The following ZBTB46 variants were observed in gnomAD, a reference collection of about 807,000 sequenced individuals.
ZBTB46 encodes zinc finger and BTB domain containing 46.
Under a neutral mutation model 44.1 loss-of-function variants are expected in ZBTB46, and 8 were observed. The observed-to-expected ratio is 0.18, with a 90% confidence interval of 0.11 to 0.33. The LOEUF (loss-of-function observed/expected upper bound fraction) is 0.33, where lower values mean the gene tolerates loss of function less well. Ranked by LOEUF, ZBTB46 falls within the 10% of genes least tolerant of loss-of-function variation. The pLI, the probability that ZBTB46 is intolerant of heterozygous loss-of-function variation, is 1.00. For synonymous variants in ZBTB46, 409 were observed against 382.3 expected, an observed-to-expected ratio of 1.07 and a Z score of -0.81; for missense variants, 651 against 847.7, an observed-to-expected ratio of 0.77 and a Z score of 2.88.
intron 3 of ZBTB46, 141 bp from the exon 4 acceptor site, chr20:63,753,002 G>A: frequency 1.2e-6 from 1 of 865,822 alleles, no homozygotes; most frequent in African/African-American, 1.7e-5. Flanking sequence ...GGTCAGCACT[G>A]CGACAGGCCA....
At chr20:63,824,405 C>A (rs187030660) in intron 1 of ZBTB46, among the ~76,000 whole-genome samples, 2 of 152,072 alleles carry the variant, frequency 1.3e-5, no homozygotes, top group African/African-American at 2.4e-5. Context: ...AAGAGAACAC[C>A]CATTTTATTC....
At chr20:63,763,297 T>C (rs1400130237) in intron 3 of ZBTB46, among the ~76,000 whole-genome samples, 1 of 152,252 alleles carries the variant, frequency 6.6e-6, no homozygotes, top group Admixed American at 6.5e-5. Flanking sequence ...CTTTCTTGCC[T>C]TCTTTCAAAT....
intron 1 of ZBTB46, among the ~76,000 whole-genome samples, chr20:63,791,369 G>A (rs1187259241): frequency 6.6e-6 from 1 of 151,946 alleles, no homozygotes; most frequent in African/African-American, 2.4e-5. Context: ...GGTGGCGGGA[G>A]CCTGTAGTCC....
chr20:63,801,912 T>G (rs1264338286), intron 1 of ZBTB46, among the ~76,000 whole-genome samples: 1 of 152,180 alleles, frequency 6.6e-6, no homozygotes, highest in African/African-American at 2.4e-5. Flanking sequence ...CAAGTGCTGT[T>G]TGCTGCACGT....
chr20:63,767,829 C>T lies in ZBTB46; in HGVS notation c.1222+7849G>A, dbSNP rs965225191. ...CAGGGCTGGGCAAGTCCATCCAGGG[C>T]TGGGCAAGTCCATCCAGGCCTGGGC... On this transcript the variant is annotated intron_variant, in intron 3 of 4. Transcript: ENST00000245663. The surrounding 1 kb of genome is among the most constrained non-coding windows in gnomAD (Gnocchi z 5.0). 7.0e-5 allele frequency: 68 copies of T among 972,110 alleles called. No homozygotes were observed. Among genetic ancestry groups the T allele is most frequent in the Non-Finnish European group, 7.9e-5 (65 of 817,872 alleles). 60.2% of individuals were successfully genotyped at this position (972,110 alleles called of 1,614,324 possible). A position where few individuals can be genotyped will look rare whatever the true frequency, so the allele number is the denominator to read the frequency against.
intron 1 of ZBTB46, among the ~76,000 whole-genome samples, chr20:63,808,377 G>A (rs966029117): frequency 1.2e-4 from 18 of 152,204 alleles, no homozygotes; most frequent in African/African-American, 4.1e-4. Flanking sequence ...CAGACGCCAC[G>A]GAGCCCGGGG....
chr20:63,772,762 CACA>C (rs1188445742), intron 3 of ZBTB46, among the ~76,000 whole-genome samples: 22,112 of 78,644 alleles, frequency 0.28, 1,958 homozygotes, highest in Non-Finnish European at 0.29. Context: ...CACACACACA[CACA>C]CAGAAGTGCG....
chr20:63,749,890 A>T (rs1001334344), intron 4 of ZBTB46, among the ~76,000 whole-genome samples: 4 of 152,228 alleles, frequency 2.6e-5, no homozygotes, highest in African/African-American at 9.6e-5. Flanking sequence ...GAACTCATGC[A>T]AATGGGCAAA....
intron 2 of ZBTB46, among the ~76,000 whole-genome samples, chr20:63,782,334 G>A (rs956232879): frequency 1.3e-4 from 20 of 152,152 alleles, no homozygotes; most frequent in Non-Finnish European, 2.5e-4. Context: ...CAGAGAAGGA[G>A]GCAGGAGGGT....
chr20:63,796,843 T>A (rs936409855), intron 1 of ZBTB46, among the ~76,000 whole-genome samples: 7 of 151,582 alleles, frequency 4.6e-5, no homozygotes, highest in African/African-American at 9.7e-5. Flanking sequence ...TAAAATAAAA[T>A]AAAAATAAAA....
chr20:63,805,986 G>A (rs1192132664), intron 1 of ZBTB46, among the ~76,000 whole-genome samples: 1 of 151,528 alleles, frequency 6.6e-6, no homozygotes, highest in African/African-American at 2.4e-5. Context: ...TGTTGGCCAG[G>A]TTGGTCTCGA....
chr20:63,762,274 CTGAGA>C (rs757120649), intron 3 of ZBTB46, among the ~76,000 whole-genome samples: 7 of 152,320 alleles, frequency 4.6e-5, no homozygotes, highest in Admixed American at 1.3e-4. Context: ...CTATCAATTA[CTGAGA>C]TAAGTGTTTT....
At chr20:63,819,039 G>A (rs930648782) in intron 1 of ZBTB46, among the ~76,000 whole-genome samples, 10 of 151,812 alleles carry the variant, frequency 6.6e-5, no homozygotes, top group Non-Finnish European at 1.3e-4. Context: ...CAGGCGTGGT[G>A]GTGTGCGCCT....
chr20:63,816,876 G>A (rs918038811), intron 1 of ZBTB46, among the ~76,000 whole-genome samples: 5 of 151,984 alleles, frequency 3.3e-5, no homozygotes, highest in Non-Finnish European at 5.9e-5. Context: ...AGGCTGAGGC[G>A]GGCAGATCAT....
Position 63,752,657 on chromosome 20 carries a change from C to T in ZBTB46, c.1398+29G>A, listed in dbSNP as rs774469808. On this transcript the variant is annotated intron_variant, in intron 4 of 4. Transcript: ENST00000245663. This position sits in a 1 kb window ranked among gnomAD's most constrained non-coding sequence, Gnocchi z 5.6. ...CCGGACATCGTGGCCACGCGCAGCG[C>T]GCGGCACGCGGACCCTCCCCGCACT... 4 of 1,500,880 alleles carry T rather than the reference C, an allele frequency of 2.7e-6. No homozygotes were observed. Among genetic ancestry groups the T allele is most frequent in the Non-Finnish European group, 3.6e-6 (4 of 1,124,232 alleles). The allele number at this position is 1,500,880 out of a possible 1,614,324, so 93.0% of individuals were successfully genotyped here.
intron 3 of ZBTB46, among the ~76,000 whole-genome samples, chr20:63,764,295 G>A (rs1304013620): frequency 1.3e-5 from 2 of 152,146 alleles, no homozygotes; most frequent in Non-Finnish European, 2.9e-5. Context: ...AATCAGCTGG[G>A]CATGGTGGCT....
In ZBTB46 at chr20:63,744,763, T is replaced by C. The variant is rs2092072413; in HGVS notation, c.*2167A>G. ...ACACTGTTGGTTTTAGGGAAGAAAA[T>C]GCCCCTGTAGCTCCGGCGGGGAACC... On this transcript the variant is annotated 3_prime_UTR_variant, in exon 5 of 5. Transcript: ENST00000245663. 6.6e-6 allele frequency: 1 copy of C among 152,230 alleles called. No individual in the cohort carries two copies. Among genetic ancestry groups the C allele is most frequent in the East Asian group, 1.9e-4 (1 of 5,304 alleles). 9.4% of individuals were successfully genotyped at this position (152,230 alleles called of 1,614,324 possible). A position where few individuals can be genotyped will look rare whatever the true frequency, so the allele number is the denominator to read the frequency against.
chr20:63,753,616 C>T (rs1009861483), intron 3 of ZBTB46, among the ~76,000 whole-genome samples: 1 of 152,230 alleles, frequency 6.6e-6, no homozygotes, highest in Admixed American at 6.5e-5. Flanking sequence ...GCCACGTCCA[C>T]GGGACCCTAC....
rs11470668 is a variant in ZBTB46, at chr20:63,749,359, CAG to C, written c.1399-2060_1399-2059del. On this transcript the variant is annotated intron_variant, in intron 4 of 4. Transcript: ENST00000245663. The stretch of plus-strand genomic sequence containing the variant: ...ATTTTATTTATTTATTTTTTTGAAA[CAG>C]AGTCTCGCTCTGTCACCCAGGCTGG... 6.0e-3 allele frequency among the ~76,000 whole-genome samples: 919 copies of C among 152,158 alleles called. 10 individuals are homozygous for C. The highest frequency in any genetic ancestry group is 0.021 in the African/African-American group (874 of 41,494).
Sources: gnomAD v4.1 joint callset for allele counts (sites outside exome capture counted in the v4.1 genomes callset) on GRCh38, gnomAD v4.1.1 for gene constraint, Gnocchi (gnomAD v3.1) non-coding constraint, MANE v1.5 for transcripts, NCBI Gene and HGNC (gene_info 2026-07-23, HGNC 2026-07-21) for gene names.